DCUN1D1: variants seen among roughly 807,000 people sequenced by gnomAD.
The protein encoded by DCUN1D1 is DCN1-like protein 1.
A neutral mutation model predicts 39.0 loss-of-function variants in DCUN1D1; 3 were observed. That is an observed-to-expected ratio of 0.08 (90% CI 0.04 to 0.20). DCUN1D1 has a LOEUF of 0.20. Among genes scored for constraint, DCUN1D1 ranks in the 10% least tolerant of loss-of-function variants. The pLI, the probability that DCUN1D1 is intolerant of heterozygous loss-of-function variation, is 1.00. For synonymous variants in DCUN1D1, 82 were observed against 96.3 expected, an observed-to-expected ratio of 0.85 and a Z score of 0.87; for missense variants, 158 against 302.4, an observed-to-expected ratio of 0.52 and a Z score of 3.54.
rs185509789 is a variant in DCUN1D1, at chr3:182,948,403, C to A, written c.521-771G>T. Among the ~76,000 whole-genome samples the A allele has an allele frequency of 1.9e-3, 291 of 152,126 alleles. 3 individuals are homozygous for A. The highest frequency in any genetic ancestry group is 3.7e-3 in the Non-Finnish European group (251 of 67,976). ...GGCAATAATGCCGCATAAGAAAGAG[C>A]TACACTTACCACACGACAGAGAACT... is the stretch of plus-strand genomic sequence containing the variant. On this transcript the variant is annotated intron_variant, in intron 4 of 6. Coordinates refer to ENST00000292782, the MANE Select transcript of DCUN1D1 (RefSeq NM_020640.4).
At position 182,959,128 on chromosome 3, in the gene DCUN1D1, C is replaced by T. The variant is rs544195233; in HGVS notation, c.520+2098G>A. 2.6e-5 allele frequency among the ~76,000 whole-genome samples: 4 copies of T among 152,176 alleles called. No homozygotes were observed. In the East Asian group the frequency reaches 7.7e-4, roughly 29 times the overall value. On this transcript the variant is annotated intron_variant, in intron 4 of 6. Coordinates refer to ENST00000292782, the MANE Select transcript of DCUN1D1 (RefSeq NM_020640.4). ...AAAAAACATCCCAGTTAACTGGTGG[C>T]CCCAGACAGAAAAACTAATTGTAGG...
intron 4 of DCUN1D1, chr3:182,950,661 A>G (rs943426637): frequency 2.0e-5 from 3 of 151,936 alleles, no homozygotes; most frequent in African/African-American, 4.8e-5. Context: ...TTTATACATA[A>G]TTTGTTTGAA....
intron 1 of DCUN1D1, among the ~76,000 whole-genome samples, chr3:182,967,508 A>G (rs1374575827): frequency 6.6e-6 from 1 of 152,174 alleles, no homozygotes; most frequent in African/African-American, 2.4e-5. Flanking sequence ...AATATGAAAA[A>G]TATCTATGCT....
Position 182,943,117 on chromosome 3 carries a change from A to T in DCUN1D1, c.*1977T>A. 1 of 123,820 alleles carries T rather than the reference A, an allele frequency of 8.1e-6. No individual in the cohort carries two copies. The highest frequency in any genetic ancestry group is 5.2e-5 in the African/African-American group (1 of 19,048). 7.7% of individuals were successfully genotyped at this position (123,820 alleles called of 1,614,324 possible). A position where few individuals can be genotyped will look rare whatever the true frequency, so the allele number is the denominator to read the frequency against. ...TTTAAAGAAAACACTTTATATTGAAAAAAAAAAAAAAAAAAAAAAGCTAAT... is the reference window on the plus strand; with the variant it reads ...TTTAAAGAAAACACTTTATATTGAATAAAAAAAAAAAAAAAAAAAGCTAAT... On this transcript the variant is annotated 3_prime_UTR_variant, in exon 7 of 7. Transcript: ENST00000292782.
chr3:182,947,586 T>C lies in DCUN1D1; in HGVS notation c.567A>G (p.Arg189=), dbSNP rs780995452. Residue 189 remains arginine, a synonymous_variant, in exon 5 of 7, where the codon AGA becomes AGG. Coordinates refer to ENST00000292782, the MANE Select transcript of DCUN1D1 (RefSeq NM_020640.4). Reference sequence around the variant, plus strand: ...TATTCCATAAGTCTAAGAATTTAAATCTTCCATTAAGCACTAAGTTCCAGT... The same window carrying C: ...TATTCCATAAGTCTAAGAATTTAAACCTTCCATTAAGCACTAAGTTCCAGT... ...IAYWNLVLNG[R]FKFLDLWNKF... 15 of 1,589,328 alleles carry C rather than the reference T, an allele frequency of 9.4e-6. No individual in the cohort carries two copies. In the African/African-American group the frequency reaches 2.0e-4, roughly 21 times the overall value.
At chr3:182,946,918 G>A (rs1437983724) in intron 6 of DCUN1D1, among the ~76,000 whole-genome samples, 1 of 152,036 alleles carries the variant, frequency 6.6e-6, no homozygotes, top group Non-Finnish European at 1.5e-5. Flanking sequence ...GAGTACAAGA[G>A]AGCAAGACCC....
At chr3:182,965,218 A>G (rs1359987560) in intron 2 of DCUN1D1, among the ~76,000 whole-genome samples, 2 of 152,224 alleles carry the variant, frequency 1.3e-5, no homozygotes, top group African/African-American at 2.4e-5. Context: ...GCATTACTTT[A>G]TAATTCTTTA....
At chr3:182,955,445 G>A (rs1242060202) in intron 4 of DCUN1D1, 2 of 541,390 alleles carry the variant, frequency 3.7e-6, no homozygotes, top group African/African-American at 3.9e-5. Context: ...ATAGGCACAT[G>A]GTCTACACGT....
chr3:182,961,722 CAG>C (rs1727407004), intron 3 of DCUN1D1, among the ~76,000 whole-genome samples: 1 of 152,142 alleles, frequency 6.6e-6, no homozygotes, highest in African/African-American at 2.4e-5. Context: ...ACTACTGACA[CAG>C]TAATTAATCG....
At chr3:182,953,673 T>C (rs1726870049) in intron 4 of DCUN1D1, among the ~76,000 whole-genome samples, 2 of 152,336 alleles carry the variant, frequency 1.3e-5, no homozygotes, top group Non-Finnish European at 1.5e-5. Context: ...TTAGAACTAT[T>C]AGATTCTGAA....
chr3:182,944,055 C>A lies in DCUN1D1; in HGVS notation c.*1039G>T, dbSNP rs1340696931. On this transcript the variant is annotated 3_prime_UTR_variant, in exon 7 of 7. Coordinates refer to ENST00000292782, the MANE Select transcript of DCUN1D1 (RefSeq NM_020640.4). ...CAGTACCTATATTATAAAGATTGAA[C>A]TTCATGGCTCATTACAACCATTTTC... 5.9e-5 allele frequency: 9 copies of A among 152,534 alleles called. No homozygotes were observed. The highest frequency in any genetic ancestry group is 1.2e-4 in the Non-Finnish European group (8 of 67,994). The allele number at this position is 152,534 out of a possible 1,614,324, so 9.4% of individuals were successfully genotyped here. A position where few individuals can be genotyped will look rare whatever the true frequency, so the allele number is the denominator to read the frequency against.
In DCUN1D1 at chr3:182,980,520, CT is replaced by C; in HGVS notation, c.-32del. The C allele has an allele frequency of 1.6e-6, 2 of 1,236,432 alleles. No individual in the cohort carries two copies. The highest frequency in any genetic ancestry group is 1.9e-5 in the South Asian group (1 of 52,362). 76.6% of individuals were successfully genotyped at this position (1,236,432 alleles called of 1,614,324 possible). ...TGTCCTCCAGGCCTCTCCCCTCCTC[CT>C]CCGGCTCCGCAGCGAATGGACGGCG... On this transcript the variant is annotated 5_prime_UTR_variant, in exon 1 of 7. Transcript: ENST00000292782.
intron 1 of DCUN1D1, among the ~76,000 whole-genome samples, chr3:182,971,173 A>G (rs1018271124): frequency 6.6e-6 from 1 of 152,208 alleles, no homozygotes; most frequent in African/African-American, 2.4e-5. Context: ...CAATTTCTTC[A>G]TCTGTAAACA....
rs112041295 is a variant in DCUN1D1 at position 182,977,955 on chromosome 3, G to A, written c.3+2532C>T. Among the ~76,000 whole-genome samples, 579 of 150,690 alleles carry A rather than the reference G, an allele frequency of 3.8e-3. 6 individuals are homozygous for A. Among genetic ancestry groups the A allele is most frequent in the African/African-American group, 0.013 (550 of 41,124 alleles). The stretch of plus-strand genomic sequence containing the variant: ...CTTGGGAGGCTTAGGCTGGAGAATC[G>A]CTTGAACCCAGGAGGCACGGGTTGC... On this transcript the variant is annotated intron_variant, in intron 1 of 6. Transcript: ENST00000292782.
intron 4 of DCUN1D1, chr3:182,956,116 T>G (rs765542610): frequency 1.1e-5 from 2 of 174,370 alleles, no homozygotes; most frequent in South Asian, 1.2e-4. Flanking sequence ...TTAGTAGAGA[T>G]AGAGTTTCAC....
intron 6 of DCUN1D1, among the ~76,000 whole-genome samples, chr3:182,946,130 G>A (rs1183203793): frequency 6.6e-6 from 1 of 152,096 alleles, no homozygotes; most frequent in African/African-American, 2.4e-5. Flanking sequence ...TCTACATATA[G>A]AAAAATACAA....
chr3:182,966,877 CGGGA>C (rs1367607984), intron 1 of DCUN1D1, among the ~76,000 whole-genome samples: 1 of 152,098 alleles, frequency 6.6e-6, no homozygotes, highest in Non-Finnish European at 1.5e-5. Context: ...GAGGCCCAGG[CGGGA>C]GGATCACCTG....
upstream of DCUN1D1, chr3:182,980,577 C>T (rs2108409579): frequency 3.4e-6 from 4 of 1,159,486 alleles, no homozygotes; most frequent in East Asian, 1.0e-4. Context: ...CACGGGCTTG[C>T]CCGGCTCCCG....
At chr3:182,977,801 C>T (rs144060976) in intron 1 of DCUN1D1, among the ~76,000 whole-genome samples, 4,496 of 151,886 alleles carry the variant, frequency 0.03, 229 homozygotes, top group African/African-American at 0.1. Flanking sequence ...GCACCTTGGG[C>T]GGCCGAGGCA....
Sources: gnomAD v4.1 joint callset for allele counts (sites outside exome capture counted in the v4.1 genomes callset) on GRCh38, gnomAD v4.1.1 for gene constraint, MANE v1.5 for transcripts, NCBI Gene and HGNC (gene_info 2026-07-23, HGNC 2026-07-21) for gene names.